CRISPLD2: variants seen among roughly 807,000 people sequenced by gnomAD.
CRISPLD2 encodes cysteine rich secretory protein LCCL domain containing 2.
CRISPLD2 carries 47 observed loss-of-function variants against 71.1 expected under a neutral mutation model. That is an observed-to-expected ratio of 0.66 (90% CI 0.52 to 0.84). The LOEUF (loss-of-function observed/expected upper bound fraction) is 0.84. Among genes scored for constraint, CRISPLD2 ranks in the 40% least tolerant of loss-of-function variants. The pLI is 0.00. For missense variants in CRISPLD2, 830 were observed against 651.1 expected, an observed-to-expected ratio of 1.27 and a Z score of -2.99; for synonymous variants, 317 against 250.1, an observed-to-expected ratio of 1.27 and a Z score of -2.52.
intron 8 of CRISPLD2, among the ~76,000 whole-genome samples, chr16:84,872,216 G>T (rs1464712252): frequency 1.3e-5 from 2 of 152,192 alleles, no homozygotes; most frequent in Non-Finnish European, 2.9e-5. Flanking sequence ...TCCTAGGGAA[G>T]TTCTGGAACC....
At chr16:84,831,018 G>A (rs914280876) in intron 1 of CRISPLD2, among the ~76,000 whole-genome samples, 15 of 152,274 alleles carry the variant, frequency 9.9e-5, no homozygotes, top group Middle Eastern at 3.4e-3. Flanking sequence ...GGTGGTGAAC[G>A]ATTTACCATC....
chr16:84,823,994 T>C (rs1916290250), intron 1 of CRISPLD2, among the ~76,000 whole-genome samples: 1 of 152,232 alleles, frequency 6.6e-6, no homozygotes, highest in Non-Finnish European at 1.5e-5. Flanking sequence ...GGGAAAAGAC[T>C]CAACTGGACC....
intron 14 of CRISPLD2, among the ~76,000 whole-genome samples, chr16:84,900,878 C>A (rs2071747445): frequency 1.3e-5 from 2 of 151,922 alleles, no homozygotes; most frequent in Admixed American, 6.6e-5. Context: ...ATGGTGAAAT[C>A]CCATCTCTAA....
intron 6 of CRISPLD2, 124 bp from the exon 7 acceptor site, chr16:84,866,773 G>T: frequency 1.1e-6 from 1 of 918,604 alleles, no homozygotes; most frequent in Non-Finnish European, 1.7e-6. Context: ...CTTTGCCGCT[G>T]AAATGATTCT....
At chr16:84,863,824 C>T (rs185015826) in intron 6 of CRISPLD2, among the ~76,000 whole-genome samples, 30 of 152,016 alleles carry the variant, frequency 2.0e-4, no homozygotes, top group Non-Finnish European at 2.9e-4. Context: ...CACAATTAGC[C>T]GGGCATGGTG....
intron 10 of CRISPLD2, chr16:84,873,359 T>TG (rs904093876): frequency 6.3e-6 from 2 of 316,166 alleles, no homozygotes; most frequent in African/African-American, 4.5e-5. Flanking sequence ...GCACCTGTAA[T>TG]CCCAGCTACT....
At chr16:84,877,000 G>A (rs73251537) in intron 11 of CRISPLD2, among the ~76,000 whole-genome samples, 8,135 of 152,158 alleles carry the variant, frequency 0.053, 732 homozygotes, top group African/African-American at 0.19. Context: ...TATGTCAGAA[G>A]GAGCTCTAGA....
chr16:84,860,766 G>A (rs887085643), intron 6 of CRISPLD2, among the ~76,000 whole-genome samples: 16 of 152,264 alleles, frequency 1.1e-4, no homozygotes, highest in African/African-American at 3.1e-4. Context: ...GACACCTAGC[G>A]AGGTGTCTGT....
In CRISPLD2 at chr16:84,838,575, A is replaced by G. The variant is rs775994375; in HGVS notation, c.80A>G (p.Asn27Ser). Residue 27 changes from asparagine (N) to serine (S), a missense_variant, in exon 2 of 15, where the codon AAC becomes AGC. Asn to Ser is a conservative substitution (Grantham distance 46, BLOSUM62 1). Coordinates refer to ENST00000262424, the MANE Select transcript of CRISPLD2 (RefSeq NM_031476.4). ...GGATCCCAAGGCTACCTCCTGCCCA[A>G]CGTCACTCTCTTAGAGGAGCTGCTC... ...VCGSQGYLLP[N>S]VTLLEELLSK... is the part of the protein sequence containing the mutation. The G allele has an allele frequency of 6.2e-7, 1 of 1,614,174 alleles. No homozygotes were observed. The highest frequency in any genetic ancestry group is 1.1e-5 in the South Asian group (1 of 91,086).
rs184569545 is a variant in CRISPLD2, at chr16:84,834,784, C to T, written c.-74-3638C>T. On this transcript the variant is annotated intron_variant, in intron 1 of 14. Transcript: ENST00000262424. Reference sequence around the variant, plus strand: ...GGGGTCTCTCTCTGTGGCTGGCAGACGGCGTCTTCTCCCTGTGTCCTCATG... The same window carrying T: ...GGGGTCTCTCTCTGTGGCTGGCAGATGGCGTCTTCTCCCTGTGTCCTCATG... Among the ~76,000 whole-genome samples, 365 of 152,128 alleles carry T rather than the reference C, an allele frequency of 2.4e-3. 3 individuals are homozygous for T. Among genetic ancestry groups the T allele is most frequent in the Non-Finnish European group, 3.6e-3 (242 of 67,986 alleles).
chr16:84,873,896 T>G lies in CRISPLD2; in HGVS notation c.1113-24T>G, dbSNP rs71386873. 0.034 allele frequency: 21,753 copies of G among 633,066 alleles called. 31 individuals are homozygous for G. The highest frequency in any genetic ancestry group is 0.078 in the East Asian group (602 of 7,748). The allele number at this position is 633,066 out of a possible 1,614,324, so 39.2% of individuals were successfully genotyped here. On this transcript the variant is annotated intron_variant, in intron 10 of 14. Coordinates refer to ENST00000262424, the MANE Select transcript of CRISPLD2 (RefSeq NM_031476.4). ...TATTTGCATTTACCTAATGCCCGTT[T>G]TTTTTTTTTTTTTTTTTAAACAGCA...
chr16:84,885,711 G>T (rs2071606725), intron 13 of CRISPLD2, among the ~76,000 whole-genome samples: 1 of 152,084 alleles, frequency 6.6e-6, no homozygotes, highest in African/African-American at 2.4e-5. Context: ...CCACTTTTCA[G>T]GTCTTTGATA....
intron 14 of CRISPLD2, among the ~76,000 whole-genome samples, chr16:84,897,743 A>G (rs1304195247): frequency 6.6e-6 from 1 of 152,116 alleles, no homozygotes; most frequent in Admixed American, 6.6e-5. Flanking sequence ...CAGCCTCCCA[A>G]GTAGCTGGGA....
chr16:84,888,220 G>A (rs545452919), intron 13 of CRISPLD2, among the ~76,000 whole-genome samples: 1 of 152,250 alleles, frequency 6.6e-6, no homozygotes, highest in South Asian at 2.1e-4. Flanking sequence ...TTGGCTCATG[G>A]CCTCTTCTTC....
intron 1 of CRISPLD2, among the ~76,000 whole-genome samples, chr16:84,820,664 C>T (rs1916210440): frequency 6.6e-6 from 1 of 152,134 alleles, no homozygotes. Context: ...TGCTGAGGGT[C>T]AGAGAGGTGA....
intron 3 of CRISPLD2, chr16:84,846,162 C>A (rs932403373): frequency 2.8e-6 from 1 of 352,978 alleles, no homozygotes; most frequent in Non-Finnish European, 5.2e-6. Context: ...TTCTTCCTTT[C>A]CTTCTTCCTT....
At chr16:84,899,902 C>T (rs190332284) in intron 14 of CRISPLD2, among the ~76,000 whole-genome samples, 11 of 152,316 alleles carry the variant, frequency 7.2e-5, no homozygotes, top group East Asian at 1.9e-4. Flanking sequence ...TTTTCCCCAA[C>T]GTGGCTTGCC....
At chr16:84,867,527 C>G (rs1488683290) in intron 7 of CRISPLD2, among the ~76,000 whole-genome samples, 1 of 152,222 alleles carries the variant, frequency 6.6e-6, no homozygotes, top group African/African-American at 2.4e-5. Context: ...CACCCAGTGC[C>G]AGCTGAGGTC....
intron 2 of CRISPLD2, among the ~76,000 whole-genome samples, chr16:84,840,482 G>T (rs1392603176): frequency 6.6e-6 from 1 of 152,118 alleles, no homozygotes; most frequent in Non-Finnish European, 1.5e-5. Flanking sequence ...CACATAGAAG[G>T]TGCTAATACG....
Sources: allele counts gnomAD v4.1 joint callset (sites outside exome capture counted in the v4.1 genomes callset), GRCh38; gene constraint gnomAD v4.1.1; transcripts MANE v1.5; gene names NCBI Gene and HGNC (gene_info 2026-07-23, HGNC 2026-07-21).